DLG2: variants seen among roughly 807,000 people sequenced by gnomAD.
The protein encoded by DLG2 is disks large homolog 2.
In DLG2, 45 loss-of-function variants were observed where a neutral mutation model predicts 132.5. That is an observed-to-expected ratio of 0.34 (90% CI 0.27 to 0.44). The LOEUF is 0.44. Ranked by LOEUF, DLG2 falls within the 20% of genes least tolerant of loss-of-function variation. The pLI is 1.00. For synonymous variants in DLG2, 424 were observed against 419.6 expected (o/e 1.01, Z -0.13); for missense variants, 1,045 against 1,196.9 (o/e 0.87, Z 1.87).
chr11:85,064,834 C>A (rs2064661900), intron 6 of DLG2, among the ~76,000 whole-genome samples: 1 of 151,542 alleles, frequency 6.6e-6, no homozygotes, highest in Non-Finnish European at 1.5e-5. Context: ...AATTCTATCT[C>A]AAGATTATAA....
chr11:84,271,643 C>T lies in DLG2; in HGVS notation c.520-20352G>A, dbSNP rs544005755. 2.6e-5 allele frequency among the ~76,000 whole-genome samples: 4 copies of T among 152,278 alleles called. No homozygotes were observed. The South Asian group carries it at 8.3e-4, about 32-fold the overall frequency. On this transcript the variant is annotated intron_variant, in intron 7 of 27. Coordinates refer to ENST00000376104, the MANE Select transcript of DLG2 (RefSeq NM_001142699.3). ...CACCAAGCACTCTTTATGTGCCAGGCACTGTGCTAGACACTGGGAATAGAT... is the reference window on the plus strand; with the variant it reads ...CACCAAGCACTCTTTATGTGCCAGGTACTGTGCTAGACACTGGGAATAGAT...
intron 6 of DLG2, among the ~76,000 whole-genome samples, chr11:84,717,350 C>A (rs2061346716): frequency 6.6e-6 from 1 of 151,840 alleles, no homozygotes; most frequent in African/African-American, 2.4e-5. Context: ...ATTTTAATTA[C>A]TAAAAGATTC....
intron 19 of DLG2, among the ~76,000 whole-genome samples, chr11:83,569,465 CT>C (rs1221717267): frequency 6.6e-6 from 1 of 152,012 alleles, no homozygotes; most frequent in Non-Finnish European, 1.5e-5. Flanking sequence ...ATATTATATC[CT>C]TTTTTCTCTT....
chr11:84,483,777 T>C (rs749168172), intron 7 of DLG2, among the ~76,000 whole-genome samples: 4 of 152,310 alleles, frequency 2.6e-5, no homozygotes, highest in South Asian at 2.1e-4. Context: ...GGTAGAAGGG[T>C]TTCCAGGTCA....
chr11:85,147,799 T>C (rs1174657768), intron 5 of DLG2, among the ~76,000 whole-genome samples: 1 of 152,168 alleles, frequency 6.6e-6, no homozygotes, highest in African/African-American at 2.4e-5. Flanking sequence ...GCAGATTTGT[T>C]ACATAGGTAT....
At chr11:84,489,382 C>G (rs566571020) in intron 7 of DLG2, among the ~76,000 whole-genome samples, 1 of 152,112 alleles carries the variant, frequency 6.6e-6, no homozygotes, top group Non-Finnish European at 1.5e-5. Flanking sequence ...AAACCATCTA[C>G]TATTCCTATT....
At chr11:83,560,505 TG>T (rs1251983301) in intron 19 of DLG2, among the ~76,000 whole-genome samples, 1 of 114,956 alleles carries the variant, frequency 8.7e-6, no homozygotes, top group Non-Finnish European at 1.8e-5. Flanking sequence ...TGGATGTTAA[TG>T]TGAGCTTGTG....
chr11:84,652,543 T>A (rs1187608266), intron 6 of DLG2, among the ~76,000 whole-genome samples: 1 of 152,162 alleles, frequency 6.6e-6, no homozygotes, highest in Non-Finnish European at 1.5e-5. Flanking sequence ...ATGGAATGTG[T>A]AAGGAAAGAT....
At chr11:84,173,874 A>G (rs1298833019) in intron 8 of DLG2, among the ~76,000 whole-genome samples, 1 of 152,020 alleles carries the variant, frequency 6.6e-6, no homozygotes, top group Non-Finnish European at 1.5e-5. Flanking sequence ...CACAGGGTCT[A>G]TCCTTGCTAG....
chr11:85,558,885 C>G (rs1035878607), intron 3 of DLG2, among the ~76,000 whole-genome samples: 1 of 151,776 alleles, frequency 6.6e-6, no homozygotes, highest in Non-Finnish European at 1.5e-5. Flanking sequence ...CAAACCTCAG[C>G]ATCACACAAT....
At chr11:85,047,170 A>C (rs2062428997) in intron 6 of DLG2, among the ~76,000 whole-genome samples, 1 of 151,854 alleles carries the variant, frequency 6.6e-6, no homozygotes, top group African/African-American at 2.4e-5. Flanking sequence ...TCTTCTTATA[A>C]ACAGCCTAGT....
intron 6 of DLG2, among the ~76,000 whole-genome samples, chr11:84,615,818 T>TA (rs559199428): frequency 0.048 from 3,261 of 67,582 alleles, 141 homozygotes; most frequent in East Asian, 0.066. Flanking sequence ...ACAAAAACGG[T>TA]AAAAAAAAAA....
At chr11:83,976,175 T>C (rs997649991) in intron 12 of DLG2, among the ~76,000 whole-genome samples, 1 of 151,938 alleles carries the variant, frequency 6.6e-6, no homozygotes, top group East Asian at 1.9e-4. Flanking sequence ...CTTTAAAAAA[T>C]GACTGTGCTC....
At chr11:84,344,824 AT>A (rs2154407724) in intron 7 of DLG2, among the ~76,000 whole-genome samples, 1 of 152,250 alleles carries the variant, frequency 6.6e-6, no homozygotes, top group South Asian at 2.1e-4. Context: ...CAGAAAGGCA[AT>A]TTCACATTTT....
At chr11:83,889,619 A>G (rs2069060770) in intron 15 of DLG2, among the ~76,000 whole-genome samples, 1 of 152,186 alleles carries the variant, frequency 6.6e-6, no homozygotes, top group Non-Finnish European at 1.5e-5. Context: ...GTATATACCC[A>G]AAGGACTATA....
At chr11:85,426,991 A>C (rs1195814054) in intron 3 of DLG2, among the ~76,000 whole-genome samples, 1 of 152,272 alleles carries the variant, frequency 6.6e-6, no homozygotes, top group Non-Finnish European at 1.5e-5. Context: ...CACAAGCCTC[A>C]GTAGCCAATT....
chr11:84,831,453 G>C (rs1312099941), intron 6 of DLG2, among the ~76,000 whole-genome samples: 1 of 151,626 alleles, frequency 6.6e-6, no homozygotes, highest in South Asian at 2.1e-4. Flanking sequence ...TGTGAACTGG[G>C]TAAAGGAGAG....
At chr11:84,318,336 C>T (rs970633551) in intron 7 of DLG2, among the ~76,000 whole-genome samples, 1 of 152,182 alleles carries the variant, frequency 6.6e-6, no homozygotes, top group Non-Finnish European at 1.5e-5. Context: ...CATCCATTTC[C>T]AAAATGTCTA....
rs1294288143 is a variant in DLG2 at position 85,582,866 on chromosome 11, G to T, written c.40+15791C>A. ...TAGGGACTCATGATTAAGGCATTTTGTAAGGACTGGCATACCCTCTGGAGT... is the reference window on the plus strand; with the variant it reads ...TAGGGACTCATGATTAAGGCATTTTTTAAGGACTGGCATACCCTCTGGAGT... On this transcript the variant is annotated intron_variant, in intron 3 of 27. Coordinates refer to ENST00000376104, the MANE Select transcript of DLG2 (RefSeq NM_001142699.3). Among the ~76,000 whole-genome samples the T allele has an allele frequency of 4.0e-5, 6 of 149,078 alleles. No homozygotes were observed. In the South Asian group the frequency reaches 1.3e-3, roughly 31 times the overall value.
Sources: gnomAD v4.1 joint callset for allele counts (sites outside exome capture counted in the v4.1 genomes callset) on GRCh38, gnomAD v4.1.1 for gene constraint, MANE v1.5 for transcripts, NCBI Gene and HGNC (gene_info 2026-07-23, HGNC 2026-07-21) for gene names.